CDH8: variants seen among roughly 807,000 people sequenced by gnomAD.
The protein encoded by CDH8 is cadherin-8.
CDH8 carries 17 observed loss-of-function variants against 68.1 expected under a neutral mutation model. That is an observed-to-expected ratio of 0.25 (90% confidence interval 0.17 to 0.37). The LOEUF (loss-of-function observed/expected upper bound fraction) is 0.37. Among genes scored for constraint, CDH8 ranks in the 10% least tolerant of loss-of-function variants. CDH8 has a pLI of 1.00. For synonymous variants in CDH8, 372 were observed against 365.1 expected, an observed-to-expected ratio of 1.02 and a Z score of -0.21; for missense variants, 763 against 999.3, an observed-to-expected ratio of 0.76 and a Z score of 3.19.
chr16:61,995,857 T>G (rs562528344), intron 2 of CDH8, among the ~76,000 whole-genome samples: 8 of 152,302 alleles, frequency 5.3e-5, no homozygotes, highest in Admixed American at 3.3e-4. Flanking sequence ...CTTCACAAGC[T>G]TACATCTCAC....
At chr16:61,955,668 G>A (rs571377910) in intron 2 of CDH8, among the ~76,000 whole-genome samples, 7 of 152,008 alleles carry the variant, frequency 4.6e-5, no homozygotes, top group Admixed American at 2.0e-4. Flanking sequence ...TTTAAAAGTG[G>A]TCACACAAAA....
intron 9 of CDH8, among the ~76,000 whole-genome samples, chr16:61,719,480 G>A (rs1959201470): frequency 1.3e-5 from 2 of 150,832 alleles, no homozygotes; most frequent in African/African-American, 4.9e-5. Flanking sequence ...GCATTCTTTT[G>A]GTGGACTCTG....
chr16:61,978,727 T>G (rs1413996350), intron 2 of CDH8, among the ~76,000 whole-genome samples: 1 of 152,110 alleles, frequency 6.6e-6, no homozygotes, highest in African/African-American at 2.4e-5. Context: ...ATTCAGATAT[T>G]TTTGGCACAA....
intron 2 of CDH8, among the ~76,000 whole-genome samples, chr16:61,966,264 G>A (rs1490825150): frequency 2.0e-5 from 3 of 152,108 alleles, no homozygotes; most frequent in Admixed American, 6.6e-5. Flanking sequence ...TGTGGGCCGG[G>A]CGCCGTGGCT....
chr16:61,935,503 G>A (rs1964613675), intron 2 of CDH8, among the ~76,000 whole-genome samples: 1 of 152,084 alleles, frequency 6.6e-6, no homozygotes, highest in Non-Finnish European at 1.5e-5. Context: ...ACATTTGAAT[G>A]TCCTCATCTT....
intron 2 of CDH8, among the ~76,000 whole-genome samples, chr16:62,010,989 C>G (rs1023247935): frequency 1.3e-5 from 2 of 151,476 alleles, no homozygotes; most frequent in African/African-American, 4.9e-5. Context: ...TTTCATGTCC[C>G]TGGATAATGT....
Position 61,653,430 on chromosome 16 carries a change from C to T in CDH8, c.*178G>A, listed in dbSNP as rs1963368232. 2.8e-6 allele frequency: 4 copies of T among 1,411,002 alleles called. No individual in the cohort carries two copies. Among genetic ancestry groups the T allele is most frequent in the Non-Finnish European group, 3.7e-6 (4 of 1,084,990 alleles). The allele number at this position is 1,411,002 out of a possible 1,614,324, so 87.4% of individuals were successfully genotyped here. ...CTCCACAAGATTTATAACCTCCTAA[C>T]ATATACTTTTTTATTTTATTATCTT... On this transcript the variant is annotated 3_prime_UTR_variant, in exon 12 of 12. Transcript: ENST00000577390.
At chr16:61,718,538 T>C (rs1476658216) in intron 9 of CDH8, among the ~76,000 whole-genome samples, 1 of 151,288 alleles carries the variant, frequency 6.6e-6, no homozygotes, top group Non-Finnish European at 1.5e-5. Context: ...GGAAGGGAAG[T>C]TACGGTCGAT....
chr16:61,754,558 A>G (rs1187372836), intron 8 of CDH8, among the ~76,000 whole-genome samples: 11 of 151,896 alleles, frequency 7.2e-5, no homozygotes, highest in Non-Finnish European at 1.6e-4. Context: ...TACATGTGAT[A>G]TTTTGACGCA....
chr16:61,847,122 C>T (rs1962823668), intron 4 of CDH8, among the ~76,000 whole-genome samples: 1 of 151,942 alleles, frequency 6.6e-6, no homozygotes, highest in South Asian at 2.1e-4. Flanking sequence ...TCTGAAAAAG[C>T]CCATTTTTCT....
At chr16:61,830,785 C>G (rs938041920) in intron 4 of CDH8, among the ~76,000 whole-genome samples, 1 of 151,790 alleles carries the variant, frequency 6.6e-6, no homozygotes, top group African/African-American at 2.4e-5. Context: ...TAGTAAAATT[C>G]TTGATGTGAA....
intron 1 of CDH8, among the ~76,000 whole-genome samples, chr16:62,028,817 C>T (rs986795142): frequency 2.0e-4 from 30 of 152,008 alleles, no homozygotes; most frequent in African/African-American, 6.3e-4. Flanking sequence ...AGTCATTTCT[C>T]GAGTCTAATC....
rs1963429524 is a variant in CDH8 at position 61,655,676 on chromosome 16, T to C, written c.1700A>G (p.Gln567Arg). Residue 567 changes from glutamine (Q) to arginine (R), a missense_variant, in exon 11 of 12, where the codon CAG (glutamine) becomes CGG (arginine). Transcript: ENST00000577390. ...ILAKHNGFNR[Q>R]KQEVYLLPII... ...TGGTAAAAGATAGACTTCTTGCTTCTGGCGGTTGAATCCATTATGCTTTGC... is the reference window on the plus strand; with the variant it reads ...TGGTAAAAGATAGACTTCTTGCTTCCGGCGGTTGAATCCATTATGCTTTGC... 1 of 1,613,990 alleles carries C rather than the reference T, an allele frequency of 6.2e-7. No homozygotes were observed. The highest frequency in any genetic ancestry group is 8.5e-7 in the Non-Finnish European group (1 of 1,179,940).
chr16:61,685,903 A>G (rs1476262436), intron 10 of CDH8, among the ~76,000 whole-genome samples: 1 of 151,820 alleles, frequency 6.6e-6, no homozygotes, highest in Non-Finnish European at 1.5e-5. Context: ...ATTAATTGCT[A>G]CTGTGTTCAT....
At position 61,830,971 on chromosome 16, in the gene CDH8, T is replaced by C. The variant is rs532965291; in HGVS notation, c.668-5792A>G. Among the ~76,000 whole-genome samples the C allele has an allele frequency of 4.6e-5, 7 of 151,942 alleles. 1 individual carries two copies. The highest frequency in any genetic ancestry group is 4.6e-4 in the Admixed American group (7 of 15,222). ...GGTTTAGATTTAGACCATTTCATAATCAGCTAGCCTTGGACTAACACAGAA... is the reference window on the plus strand; with the variant it reads ...GGTTTAGATTTAGACCATTTCATAACCAGCTAGCCTTGGACTAACACAGAA... On this transcript the variant is annotated intron_variant, in intron 4 of 11. Coordinates refer to ENST00000577390, the MANE Select transcript of CDH8 (RefSeq NM_001796.5).
intron 3 of CDH8, among the ~76,000 whole-genome samples, chr16:61,897,319 C>A (rs748572349): frequency 3.3e-5 from 5 of 151,906 alleles, no homozygotes; most frequent in Non-Finnish European, 7.4e-5. Flanking sequence ...GTGGCACAAT[C>A]TCCGCTCACT....
chr16:61,842,303 T>G (rs1205416070), intron 4 of CDH8, among the ~76,000 whole-genome samples: 2 of 152,072 alleles, frequency 1.3e-5, no homozygotes, highest in Admixed American at 1.3e-4. Context: ...ATTTAGGAAG[T>G]GATTAGGCCA....
At chr16:62,025,428 A>G (rs1902175675) in intron 1 of CDH8, among the ~76,000 whole-genome samples, 1 of 152,046 alleles carries the variant, frequency 6.6e-6, no homozygotes, top group African/African-American at 2.4e-5. Flanking sequence ...TACCACAGAG[A>G]GGGTGTGAGG....
In CDH8 at chr16:61,881,245, T is replaced by G. The variant is rs541095572; in HGVS notation, c.547+19934A>C. 5.3e-5 allele frequency among the ~76,000 whole-genome samples: 8 copies of G among 152,322 alleles called. No individual in the cohort carries two copies. In the South Asian group the frequency reaches 1.0e-3, roughly 20 times the overall value. On this transcript the variant is annotated intron_variant, in intron 3 of 11. Transcript: ENST00000577390. Reference sequence around the variant, plus strand: ...ACATTGCTACACAGCAATAAACAACTGATATATTCAGTTTTAAATGTGCTG... The same window carrying G: ...ACATTGCTACACAGCAATAAACAACGGATATATTCAGTTTTAAATGTGCTG...
Sources: allele counts gnomAD v4.1 joint callset (sites outside exome capture counted in the v4.1 genomes callset), GRCh38; gene constraint gnomAD v4.1.1; transcripts MANE v1.5; gene names NCBI Gene and HGNC (gene_info 2026-07-23, HGNC 2026-07-21).